DOCK4: variants seen among roughly 807,000 people sequenced by gnomAD.
The protein encoded by DOCK4 is dedicator of cytokinesis 4.
DOCK4 carries 97 observed loss-of-function variants against 268.1 expected under a neutral mutation model. The observed-to-expected ratio is 0.36, with a 90% CI of 0.31 to 0.43. DOCK4 has a LOEUF of 0.43. DOCK4 is among the 20% of genes least tolerant of loss of function. DOCK4 has a pLI of 1.00. For missense variants in DOCK4, 2,145 were observed against 2,455.7 expected, an observed-to-expected ratio of 0.87 and a Z score of 2.67; for synonymous variants, 954 against 887.2, an observed-to-expected ratio of 1.08 and a Z score of -1.34.
chr7:111,979,026 G>GT, intron 7 of DOCK4, among the ~76,000 whole-genome samples: 1 of 152,242 alleles, frequency 6.6e-6, no homozygotes, highest in South Asian at 2.1e-4. Context: ...CAATTTCATT[G>GT]TAACAGAGCC....
chr7:112,037,921 A>G (rs1387407203), intron 1 of DOCK4, among the ~76,000 whole-genome samples: 1 of 152,152 alleles, frequency 6.6e-6, no homozygotes, highest in Non-Finnish European at 1.5e-5. Context: ...AGTAGTTTTA[A>G]TTTCAGCCAT....
At chr7:111,994,310 T>A (rs1359134002) in intron 4 of DOCK4, 79 bp from the exon 5 acceptor site, 1 of 914,146 alleles carries the variant, frequency 1.1e-6, no homozygotes, top group Non-Finnish European at 1.6e-6. Flanking sequence ...AAAAGATAAC[T>A]AGAAAAGAAA....
At chr7:112,083,539 G>T (rs1382422414) in intron 1 of DOCK4, among the ~76,000 whole-genome samples, 1 of 151,526 alleles carries the variant, frequency 6.6e-6, no homozygotes, top group Non-Finnish European at 1.5e-5. Flanking sequence ...AATTCTTTTT[G>T]GAACAAAATG....
At chr7:111,763,432 G>A (rs1320974186) in intron 39 of DOCK4, among the ~76,000 whole-genome samples, 3 of 152,094 alleles carry the variant, frequency 2.0e-5, no homozygotes, top group Non-Finnish European at 2.9e-5. Flanking sequence ...ACCCAGGAAA[G>A]CTATTTTTAA....
In DOCK4 at chr7:111,728,257, G is replaced by T; in HGVS notation, c.*17C>A. The T allele has an allele frequency of 6.8e-7, 1 of 1,466,166 alleles. No homozygotes were observed. The allele number at this position is 1,466,166 out of a possible 1,614,324, so 90.8% of individuals were successfully genotyped here. On this transcript the variant is annotated 3_prime_UTR_variant, in exon 53 of 53. Coordinates refer to ENST00000428084, the MANE Select transcript of DOCK4 (RefSeq NM_001363540.2). ...TAAACGGGCAAAGAATGCATCGCAG[G>T]TACATAGAAAAGTGACTTATAACTG...
At position 111,788,657 on chromosome 7, in the gene DOCK4, C is replaced by T; in HGVS notation, c.3401+5G>A. 6.4e-7 allele frequency: 1 copy of T among 1,572,752 alleles called. No individual in the cohort carries two copies. The highest frequency in any genetic ancestry group is 8.6e-7 in the Non-Finnish European group (1 of 1,156,452). ...GAATCAACTTGAGATAAACATATTA[C>T]TCACATACTGTTGAAGAGCTCGCGG... On this transcript the variant is annotated splice_donor_5th_base_variant and intron_variant, in intron 32 of 52. Transcript: ENST00000428084.
At chr7:112,102,406 G>A (rs1230881417) in intron 1 of DOCK4, among the ~76,000 whole-genome samples, 1 of 152,124 alleles carries the variant, frequency 6.6e-6, no homozygotes, top group Non-Finnish European at 1.5e-5. Flanking sequence ...TTTTCTAGTT[G>A]TGTGGCCTTG....
At chr7:111,989,311 G>T in intron 5 of DOCK4, 148 bp from the exon 6 acceptor site, 1 of 1,008,574 alleles carries the variant, frequency 9.9e-7, no homozygotes, top group East Asian at 2.6e-5. Context: ...CAAACTGTTC[G>T]CTCACTATCC....
Position 111,765,109 on chromosome 7 carries a change from A to ATTAC in DOCK4, c.4020+5_4020+8dup, listed in dbSNP as rs2133633395. ...GCTGTGAAAGCAAATTAAATAGTAT[A>ATTAC]TTACTTACTCTTAAGAAAAATGGAA... On this transcript the variant is annotated intron_variant, in intron 39 of 52. Coordinates refer to ENST00000428084, the MANE Select transcript of DOCK4 (RefSeq NM_001363540.2). 1 of 1,400,800 alleles carries ATTAC rather than the reference A, an allele frequency of 7.1e-7. No individual in the cohort carries two copies. The highest frequency in any genetic ancestry group is 2.5e-5 in the East Asian group (1 of 39,694). The allele number at this position is 1,400,800 out of a possible 1,614,324, so 86.8% of individuals were successfully genotyped here.
chr7:111,886,740 T>C (rs542174378), intron 16 of DOCK4, among the ~76,000 whole-genome samples: 1 of 152,016 alleles, frequency 6.6e-6, no homozygotes, highest in African/African-American at 2.4e-5. Flanking sequence ...ACAGAAAAAA[T>C]GACATTCGTG....
chr7:111,949,474 A>G (rs754237609), intron 8 of DOCK4, among the ~76,000 whole-genome samples: 3 of 152,308 alleles, frequency 2.0e-5, no homozygotes, highest in Non-Finnish European at 4.4e-5. Flanking sequence ...GTATTATACT[A>G]TATCATATCC....
chr7:112,150,101 C>T (rs1313440217), intron 1 of DOCK4, among the ~76,000 whole-genome samples: 1 of 152,106 alleles, frequency 6.6e-6, no homozygotes, highest in Non-Finnish European at 1.5e-5. Flanking sequence ...CCTAAAATAA[C>T]AAGACTAGTA....
At chr7:111,957,359 A>G (rs142181351) in intron 8 of DOCK4, among the ~76,000 whole-genome samples, 2 of 152,310 alleles carry the variant, frequency 1.3e-5, no homozygotes, top group African/African-American at 4.8e-5. Flanking sequence ...TGATAAAGAA[A>G]CTGGTGAATT....
At chr7:111,861,703 G>A (rs953135539) in intron 23 of DOCK4, among the ~76,000 whole-genome samples, 13 of 147,966 alleles carry the variant, frequency 8.8e-5, no homozygotes, top group Non-Finnish European at 1.8e-4. Context: ...CTAAGATCAT[G>A]CCACTGCACT....
At chr7:111,974,819 C>G (rs774558677) in intron 8 of DOCK4, among the ~76,000 whole-genome samples, 1 of 152,102 alleles carries the variant, frequency 6.6e-6, no homozygotes, top group African/African-American at 2.4e-5. Context: ...AAGGAGCACT[C>G]TGAAGATCAA....
chr7:111,933,886 C>T (rs1347674002), intron 12 of DOCK4, among the ~76,000 whole-genome samples: 1 of 152,182 alleles, frequency 6.6e-6, no homozygotes, highest in Non-Finnish European at 1.5e-5. Flanking sequence ...GTTGGAGGTA[C>T]TTATGGCTCT....
rs1797806806 is a variant in DOCK4 at position 111,767,084 on chromosome 7, A to G, written c.3863T>C (p.Ile1288Thr). The change falls in exon 38 of 53, where the codon ATT becomes ACT. Residue 1288 changes from isoleucine (I) to threonine (T), a missense_variant. Ile to Thr is a moderately conservative substitution (Grantham distance 89, BLOSUM62 -1). Around this residue, in one of 2 missense-constraint regions of DOCK4, gnomAD observed 1,598 missense variants for 1,986.7 expected, o/e 0.80. Transcript: ENST00000428084. ...WENGIILCRK[I>T]AEQYESYYDY... Reference sequence around the variant, plus strand: ...ATAATAACTCTCATACTGCTCTGCAATCTTCCGGCACAAGATAATGCCATT... The same window carrying G: ...ATAATAACTCTCATACTGCTCTGCAGTCTTCCGGCACAAGATAATGCCATT... 1.2e-6 allele frequency: 2 copies of G among 1,613,848 alleles called. No individual in the cohort carries two copies. Among genetic ancestry groups the G allele is most frequent in the Non-Finnish European group, 8.5e-7 (1 of 1,179,836 alleles).
Position 111,922,517 on chromosome 7 carries a change from T to C in DOCK4, c.1067-6613A>G, listed in dbSNP as rs999659925. Among the ~76,000 whole-genome samples, 9 of 152,048 alleles carry C rather than the reference T, an allele frequency of 5.9e-5. 1 individual carries two copies. Among genetic ancestry groups the C allele is most frequent in the South Asian group, 4.1e-4 (2 of 4,824 alleles). On this transcript the variant is annotated intron_variant, in intron 12 of 52. Transcript: ENST00000428084. ...TTGCTGTTTGCAGTCAGTGCTTAAA[T>C]AGATTTACCCTGACATTTACTATTC... is the stretch of plus-strand genomic sequence containing the variant.
At chr7:112,073,989 A>G (rs1807838968) in intron 1 of DOCK4, among the ~76,000 whole-genome samples, 1 of 152,212 alleles carries the variant, frequency 6.6e-6, no homozygotes, top group Admixed American at 6.5e-5. Context: ...GAATCAAAAT[A>G]TCACTCTGTA....
Sources: gnomAD v4.1 joint callset for allele counts (sites outside exome capture counted in the v4.1 genomes callset) on GRCh38, gnomAD v4.1.1 for gene constraint, gnomAD v4.1.1 regional missense constraint, MANE v1.5 for transcripts, NCBI Gene and HGNC (gene_info 2026-07-23, HGNC 2026-07-21) for gene names.